Variants in DNAH3 observed in about 807,000 individuals in gnomAD.
DNAH3 encodes axonemal beta dynein heavy chain 3.
A neutral mutation model predicts 432.5 loss-of-function variants in DNAH3; 332 were observed. That is an observed-to-expected ratio of 0.77 (90% CI 0.70 to 0.84). The LOEUF (loss-of-function observed/expected upper bound fraction) is 0.84. DNAH3 is among the 40% of genes least tolerant of loss of function. DNAH3 has a pLI of 0.00. For missense variants in DNAH3, 4,861 were observed against 5,114.0 expected, an observed-to-expected ratio of 0.95 and a Z score of 1.51; for synonymous variants, 1,956 against 1,900.2, an observed-to-expected ratio of 1.03 and a Z score of -0.76.
intron 3 of DNAH3, 23 bp downstream of exon 4, chr16:21,145,158 G>A: frequency 6.4e-7 from 1 of 1,573,250 alleles, no homozygotes; most frequent in South Asian, 1.1e-5. Context: ...CATTCTGCAA[G>A]GGTGTGACAC....
At chr16:20,967,525 G>A (rs1004842147) in intron 52 of DNAH3, among the ~76,000 whole-genome samples, 9 of 108,100 alleles carry the variant, frequency 8.3e-5, no homozygotes, top group Admixed American at 5.6e-4. Context: ...TTTTTGAGAC[G>A]GAGTTTTGTT....
At chr16:21,154,938 T>A (rs185555770) in intron 1 of DNAH3, among the ~76,000 whole-genome samples, 1 of 150,276 alleles carries the variant, frequency 6.7e-6, no homozygotes, top group African/African-American at 2.4e-5. Flanking sequence ...CTCAATCTTC[T>A]TTTTCTTTCT....
intron 20 of DNAH3, among the ~76,000 whole-genome samples, chr16:21,078,151 T>C (rs111254512): frequency 0.039 from 5,948 of 151,800 alleles, 393 homozygotes; most frequent in African/African-American, 0.14. Flanking sequence ...GGCGCACGCC[T>C]GTAATCCCAG....
exon 48 of DNAH3, chr16:20,985,701 C>T: frequency 1.2e-6 from 2 of 1,613,432 alleles, no homozygotes; most frequent in Non-Finnish European, 1.7e-6. Flanking sequence ...CAGTGGGTGA[C>T]AAGTGGATAA....
intron 44 of DNAH3, among the ~76,000 whole-genome samples, chr16:20,988,888 C>T (rs986854556): frequency 4.6e-5 from 7 of 152,162 alleles, no homozygotes; most frequent in Middle Eastern, 3.4e-3. Context: ...AGCTGCAGAC[C>T]TTCGCGGTGA....
intron 14 of DNAH3, among the ~76,000 whole-genome samples, chr16:21,107,401 G>A (rs181521648): frequency 8.9e-4 from 135 of 151,818 alleles, no homozygotes; most frequent in African/African-American, 3.1e-3. Context: ...CACCATACCC[G>A]GCTAATTTTT....
At chr16:21,097,447 A>C in exon 18 of DNAH3, 1 of 1,614,028 alleles carries the variant, frequency 6.2e-7, no homozygotes, top group Non-Finnish European at 8.5e-7. Context: ...GGCCTGCAGA[A>C]GAGGGTAAGT....
At chr16:21,008,861 T>G (rs894623707) in intron 41 of DNAH3, among the ~76,000 whole-genome samples, 3 of 152,222 alleles carry the variant, frequency 2.0e-5, no homozygotes, top group Non-Finnish European at 2.9e-5. Flanking sequence ...TAGAATTAAG[T>G]TGTAATTCAT....
In DNAH3 at chr16:20,935,341, C is replaced by A. The variant is rs747770555; in HGVS notation, c.11997+7G>T. ...CCTTGAGTGAGCCTAACCCAAAGCACCCCTACCTCAAACTCAAATCCAATG... is the reference window on the plus strand; with the variant it reads ...CCTTGAGTGAGCCTAACCCAAAGCAACCCTACCTCAAACTCAAATCCAATG... On this transcript the variant is annotated splice_region_variant and intron_variant, in intron 61 of 61. Coordinates refer to ENST00000261383, the Ensembl canonical transcript of DNAH3. The A allele has an allele frequency of 1.9e-6, 3 of 1,613,864 alleles. No individual in the cohort carries two copies. Among genetic ancestry groups the A allele is most frequent in the Non-Finnish European group, 1.7e-6 (2 of 1,179,996 alleles).
chr16:20,979,285 T>C (rs750449521), intron 50 of DNAH3, 45 bp downstream of exon 50: 2 of 1,591,236 alleles, frequency 1.3e-6, no homozygotes, highest in Non-Finnish European at 1.7e-6. Flanking sequence ...CACATCCACC[T>C]CGTCCCGGGC....
intron 47 of DNAH3, among the ~76,000 whole-genome samples, chr16:20,986,543 T>C (rs2086207192): frequency 6.6e-6 from 1 of 152,064 alleles, no homozygotes; most frequent in African/African-American, 2.4e-5. Flanking sequence ...AGAAAGGACA[T>C]TAGAGTATGA....
chr16:20,950,696 T>C (rs2084271982), intron 56 of DNAH3, among the ~76,000 whole-genome samples: 2 of 152,234 alleles, frequency 1.3e-5, no homozygotes, highest in Non-Finnish European at 1.5e-5. Context: ...CCCGGTGTTT[T>C]AATTAAGCTG....
At chr16:20,934,672 CTA>C (rs2083525253) in intron 61 of DNAH3, among the ~76,000 whole-genome samples, 1 of 152,204 alleles carries the variant, frequency 6.6e-6, no homozygotes, top group South Asian at 2.1e-4. Flanking sequence ...GTAAAGGACT[CTA>C]TGTTTTTAAT....
rs774028606 is a variant in DNAH3 at position 21,146,028 on chromosome 16, G to A, written c.178C>T (p.Pro60Ser). Residue 60 changes from proline to serine, a missense_variant, in exon 2 of 62, where the codon CCT (proline) becomes TCT (serine). Physicochemically the swap from Pro to Ser is moderately conservative, Grantham distance 74. Transcript: ENST00000261383. ...TCCTCATTAGCAGAAGCAGGCAGAG[G>A]AGGCAGCTCTGGCTGCCCCTGGGAG... The A allele has an allele frequency of 1.3e-4, 204 of 1,613,872 alleles. No homozygotes were observed. Among genetic ancestry groups the A allele is most frequent in the Middle Eastern group, 1.6e-4 (1 of 6,084 alleles).
intron 41 of DNAH3, among the ~76,000 whole-genome samples, chr16:21,017,115 A>G (rs2087899689): frequency 6.6e-6 from 1 of 152,192 alleles, no homozygotes. Flanking sequence ...AATGTACTTA[A>G]CACCACTGAT....
At chr16:21,075,483 A>C in exon 21 of DNAH3, 3 of 1,614,136 alleles carry the variant, frequency 1.9e-6, no homozygotes, top group Non-Finnish European at 2.5e-6. Context: ...ACGTCACGTT[A>C]ACCCAATCCA....
intron 38 of DNAH3, 101 bp from the exon 39 acceptor site, chr16:21,024,802 C>T (rs1201554018): frequency 1.1e-6 from 1 of 895,746 alleles, no homozygotes; most frequent in Non-Finnish European, 1.8e-6. Context: ...CCATGCTAGG[C>T]ATTAATGGAT....
At chr16:20,983,445 C>T (rs1238157093) in intron 48 of DNAH3, among the ~76,000 whole-genome samples, 1 of 150,436 alleles carries the variant, frequency 6.6e-6, no homozygotes, top group Admixed American at 6.6e-5. Context: ...TCTAACTGGT[C>T]TCCCATACAC....
At chr16:20,965,465 T>C (rs55780603) in intron 52 of DNAH3, 40 bp from the exon 53 acceptor site, 32,838 of 1,460,136 alleles carry the variant, frequency 0.022, 449 homozygotes, top group Middle Eastern at 0.038. Flanking sequence ...GTTAAGACAT[T>C]CTGGCCAAGA....
Sources: allele counts gnomAD v4.1 joint callset (sites outside exome capture counted in the v4.1 genomes callset), GRCh38; gene constraint gnomAD v4.1.1; transcripts MANE v1.5; gene names NCBI Gene and HGNC (gene_info 2026-07-23, HGNC 2026-07-21).